Variants in ADAMTS18 observed in about 807,000 individuals in gnomAD.
The protein encoded by ADAMTS18 is A disintegrin and metalloproteinase with thrombospondin motifs 18.
A neutral mutation model predicts 165.9 loss-of-function variants in ADAMTS18; 157 were observed. That is an observed-to-expected ratio of 0.95 (90% CI 0.83 to 1.08). The LOEUF (loss-of-function observed/expected upper bound fraction) is 1.08, where lower values mean the gene tolerates loss of function less well. Among genes scored for constraint, ADAMTS18 ranks in the 50% least tolerant of loss-of-function variants. The probability of loss-of-function intolerance (pLI) is 0.00; values close to 1 mark genes in which losing one functional copy is unlikely to be tolerated. For missense variants in ADAMTS18, 2,040 were observed against 1,534.0 expected, an observed-to-expected ratio of 1.33 and a Z score of -5.51; for synonymous variants, 782 against 578.2, an observed-to-expected ratio of 1.35 and a Z score of -5.06.
Position 77,431,555 on chromosome 16 carries a change from C to T in ADAMTS18, c.235G>A (p.Asp79Asn), listed in dbSNP as rs375929012. The T allele has an allele frequency of 4.2e-5, 68 of 1,613,998 alleles. No homozygotes were observed. The highest frequency in any genetic ancestry group is 5.6e-5 in the Non-Finnish European group (66 of 1,180,034). ...TTTTTCCTGCCGTTGTGCAAAATGT[C>T]GTGTGAAATATATGACCCGGCTGAG... ...VDSAGSYISH[D>N]ILHNGRKKRS... Residue 79 changes from aspartate (D) to asparagine (N), a missense_variant, in exon 3 of 23, where the codon GAC becomes AAC. Physicochemically the swap from Asp to Asn is conservative, Grantham distance 23 (BLOSUM62 1). Coordinates refer to ENST00000282849, the MANE Select transcript of ADAMTS18 (RefSeq NM_199355.4).
intron 20 of ADAMTS18, among the ~76,000 whole-genome samples, chr16:77,291,890 G>A (rs1460897328): frequency 6.6e-6 from 1 of 152,194 alleles, no homozygotes; most frequent in Non-Finnish European, 1.5e-5. Flanking sequence ...AAGGGCCAGA[G>A]AAAAGGATTC....
At chr16:77,341,644 G>T in intron 11 of ADAMTS18, 60 bp downstream of exon 11, 1 of 1,368,528 alleles carries the variant, frequency 7.3e-7, no homozygotes, top group Non-Finnish European at 1.0e-6. Context: ...AATACAAACA[G>T]TTTGAATTCT....
intron 3 of ADAMTS18, among the ~76,000 whole-genome samples, chr16:77,381,908 C>G (rs1277567890): frequency 6.6e-6 from 1 of 152,128 alleles, no homozygotes; most frequent in East Asian, 1.9e-4. Flanking sequence ...GAAAGCTTCC[C>G]CCATGGATCC....
chr16:77,374,664 T>A (rs1418590302), intron 3 of ADAMTS18, among the ~76,000 whole-genome samples: 1 of 152,236 alleles, frequency 6.6e-6, no homozygotes, highest in Non-Finnish European at 1.5e-5. Context: ...TTAACTGGAC[T>A]AACCGGTTTG....
intron 2 of ADAMTS18, 28 bp from the exon 3 acceptor site, chr16:77,431,639 C>T (rs777083769): frequency 6.2e-7 from 1 of 1,610,374 alleles, no homozygotes; most frequent in Non-Finnish European, 8.5e-7. Context: ...CAGCTGTCAG[C>T]ACCCAGAGCC....
At chr16:77,365,911 C>T (rs1433920756) in intron 4 of ADAMTS18, among the ~76,000 whole-genome samples, 1 of 152,192 alleles carries the variant, frequency 6.6e-6, no homozygotes, top group Non-Finnish European at 1.5e-5. Flanking sequence ...ACAGGTGACA[C>T]TTGTTTATAA....
intron 12 of ADAMTS18, among the ~76,000 whole-genome samples, chr16:77,335,105 T>C (rs2056286989): frequency 6.7e-6 from 1 of 148,922 alleles, no homozygotes; most frequent in Non-Finnish European, 1.5e-5. Flanking sequence ...ATTATGATAG[T>C]ATTAATCCTA....
At position 77,434,992 on chromosome 16, in the gene ADAMTS18, T is replaced by G. The variant is rs568811934; in HGVS notation, c.-297A>C. 1.6e-4 allele frequency: 43 copies of G among 266,064 alleles called. No individual in the cohort carries two copies. The highest frequency in any genetic ancestry group is 1.5e-3 in the Admixed American group (28 of 18,274). The allele number at this position is 266,064 out of a possible 1,614,324, so 16.5% of individuals were successfully genotyped here. A position where few individuals can be genotyped will look rare whatever the true frequency, so the allele number is the denominator to read the frequency against. On this transcript the variant is annotated 5_prime_UTR_variant, in exon 1 of 23. Coordinates refer to ENST00000282849, the MANE Select transcript of ADAMTS18 (RefSeq NM_199355.4). ...AAACGGTTGGGAGACTGTCGGTGTC[T>G]GCCCGCCCGTCTGTGCGTCTGTCTG...
intron 12 of ADAMTS18, among the ~76,000 whole-genome samples, chr16:77,335,270 TAAAA>T (rs560255934): frequency 8.6e-6 from 1 of 116,582 alleles, no homozygotes. Flanking sequence ...ATGTGAGAGC[TAAAA>T]AAAAAAAAAA....
intron 2 of ADAMTS18, 105 bp from the exon 3 acceptor site, chr16:77,431,716 G>A (rs1281036047): frequency 1.3e-5 from 15 of 1,196,910 alleles, no homozygotes; most frequent in Non-Finnish European, 1.7e-5. Context: ...AGATATCTTT[G>A]TTCCTATTGC....
At chr16:77,323,275 C>G (rs1286723925) in intron 13 of ADAMTS18, among the ~76,000 whole-genome samples, 1 of 152,168 alleles carries the variant, frequency 6.6e-6, no homozygotes, top group Non-Finnish European at 1.5e-5. Context: ...ATATCCCTAA[C>G]AACAGTTTTA....
intron 5 of ADAMTS18, 97 bp from the exon 6 acceptor site, chr16:77,363,982 T>C: frequency 7.7e-7 from 1 of 1,296,610 alleles, no homozygotes; most frequent in Non-Finnish European, 1.1e-6. Flanking sequence ...GGCTTTAATT[T>C]TACCAAATAT....
At chr16:77,352,041 T>C (rs531085466) in intron 10 of ADAMTS18, among the ~76,000 whole-genome samples, 2 of 152,312 alleles carry the variant, frequency 1.3e-5, no homozygotes, top group South Asian at 4.1e-4. Context: ...GCCAATTTGT[T>C]AGTTTTTACA....
At chr16:77,396,697 AAC>A (rs1293798983) in intron 3 of ADAMTS18, among the ~76,000 whole-genome samples, 2 of 152,230 alleles carry the variant, frequency 1.3e-5, no homozygotes, top group Non-Finnish European at 2.9e-5. Flanking sequence ...TGTTTTGTAA[AAC>A]ACAGAGACCA....
chr16:77,407,880 G>T (rs1369184838), intron 3 of ADAMTS18, among the ~76,000 whole-genome samples: 1 of 151,944 alleles, frequency 6.6e-6, no homozygotes, highest in East Asian at 1.9e-4. Context: ...ATGTAAGAAA[G>T]CATTTTAATA....
chr16:77,290,208 G>A (rs554648101), intron 21 of ADAMTS18, among the ~76,000 whole-genome samples: 1 of 152,206 alleles, frequency 6.6e-6, no homozygotes, highest in East Asian at 1.9e-4. Context: ...TAAAGGGGAA[G>A]ATAGATAGTA....
chr16:77,405,313 C>G (rs1271507456), intron 3 of ADAMTS18, among the ~76,000 whole-genome samples: 1 of 152,294 alleles, frequency 6.6e-6, no homozygotes, highest in African/African-American at 2.4e-5. Context: ...CCTCGAGCAC[C>G]TTTCCATCCC....
intron 8 of ADAMTS18, among the ~76,000 whole-genome samples, chr16:77,357,765 A>T (rs906607449): frequency 6.6e-6 from 1 of 152,200 alleles, no homozygotes; most frequent in African/African-American, 2.4e-5. Flanking sequence ...TGCCATATAA[A>T]TATCTCAGGA....
Position 77,321,104 on chromosome 16 carries a change from C to T in ADAMTS18, c.2262G>A (p.Leu754=), listed in dbSNP as rs913398905. The part of the protein sequence containing the change: ...DNSTCKFYKG[L]YLNQHKANEY... ...CATTTGCTTTATGCTGGTTGAGGTACAGGCCTTTATAAAACTTGCAAGTTG... is the reference window on the plus strand; with the variant it reads ...CATTTGCTTTATGCTGGTTGAGGTATAGGCCTTTATAAAACTTGCAAGTTG... The change falls in exon 15 of 23, where the codon CTG becomes CTA. Residue 754 remains leucine (L), a synonymous_variant. Coordinates refer to ENST00000282849, the MANE Select transcript of ADAMTS18 (RefSeq NM_199355.4). 1.5e-5 allele frequency: 25 copies of T among 1,614,052 alleles called. No homozygotes were observed. The highest frequency in any genetic ancestry group is 2.2e-5 in the East Asian group (1 of 44,890).
Sources: gnomAD v4.1 joint callset for allele counts (sites outside exome capture counted in the v4.1 genomes callset) on GRCh38, gnomAD v4.1.1 for gene constraint, MANE v1.5 for transcripts, NCBI Gene and HGNC (gene_info 2026-07-23, HGNC 2026-07-21) for gene names.